Variants in ZNF69 observed in about 807,000 individuals in gnomAD.
The protein encoded by ZNF69 is zinc finger protein 69, also known as ZNF3.
In ZNF69, 47 loss-of-function variants were observed where a neutral mutation model predicts 50.9. That is an observed-to-expected ratio of 0.92 (90% CI 0.73 to 1.18). The LOEUF is 1.18. Among genes scored for constraint, ZNF69 ranks in the 50% most tolerant of loss-of-function variants. ZNF69 has a pLI of 0.00. For synonymous variants in ZNF69, 216 were observed against 223.1 expected (o/e 0.97, Z 0.29); for missense variants, 717 against 675.1 (o/e 1.06, Z -0.69).
rs1441597141 is a variant in ZNF69 at position 11,889,399 on chromosome 19, A to G, written c.63+1413A>G. 5.3e-5 allele frequency among the ~76,000 whole-genome samples: 8 copies of G among 152,274 alleles called. No individual in the cohort carries two copies. The South Asian group carries it at 1.5e-3, about 28-fold the overall frequency. ...CCATCCTGTCATACAGAGGCACTCA[A>G]TTTTCAGGGTTTTTTGGGGGTTCCC... On this transcript the variant is annotated intron_variant, in intron 1 of 3. Transcript: ENST00000429654.
In ZNF69 at chr19:11,905,639, A is replaced by G. The variant is rs1972355301; in HGVS notation, c.1242A>G (p.Lys414=). 6.2e-7 allele frequency: 1 copy of G among 1,613,836 alleles called. No homozygotes were observed. Among genetic ancestry groups the G allele is most frequent in the Admixed American group, 1.7e-5 (1 of 59,968 alleles). ...RYHERIHTGE[K]PYECKQCGKA... ...ATGAAAGGATTCACACTGGAGAGAA[A>G]CCCTATGAGTGTAAGCAATGTGGGA... Residue 414 remains lysine (K), a synonymous_variant, in exon 4 of 4, where the codon AAA becomes AAG. Coordinates refer to ENST00000429654, the MANE Select transcript of ZNF69 (RefSeq NM_001364730.1).
the ZNF69 span, among the ~76,000 whole-genome samples, chr19:11,956,072 T>C: frequency 6.6e-6 from 1 of 152,160 alleles, no homozygotes; most frequent in East Asian, 1.9e-4. Context: ...TTCACTTCTG[T>C]AGGGCAAAAT....
At chr19:11,979,831 C>A in the ZNF69 span, 2 of 1,556,090 alleles carry the variant, frequency 1.3e-6, no homozygotes, top group Non-Finnish European at 1.8e-6. Flanking sequence ...TCAGATCTGC[C>A]AAGAACCTTC....
Position 11,906,087 on chromosome 19 carries a change from T to C in ZNF69, c.1690T>C (p.Cys564Arg), listed in dbSNP as rs781104367. 1 of 1,610,928 alleles carries C rather than the reference T, an allele frequency of 6.2e-7. No individual in the cohort carries two copies. Among genetic ancestry groups the C allele is most frequent in the Non-Finnish European group, 8.5e-7 (1 of 1,179,066 alleles). The change falls in exon 4 of 4, where the codon TGT (cysteine) becomes CGT (arginine). Residue 564 changes from cysteine (C) to arginine (R), a missense_variant. Coordinates refer to ENST00000429654, the MANE Select transcript of ZNF69 (RefSeq NM_001364730.1). Reference sequence around the variant, plus strand: ...TCACCCTGAAGATAAACCCTATGAGTGTAAGCAATGAGGGAAAGCCTTCAG... The same window carrying C: ...TCACCCTGAAGATAAACCCTATGAGCGTAAGCAATGAGGGAAAGCCTTCAG... ...RTHPEDKPYECKQ is the reference protein window; with the variant it reads ...RTHPEDKPYERKQ
intron 1 of ZNF69, 63 bp from the exon 2 acceptor site, chr19:11,903,508 TAG>T: frequency 6.3e-7 from 1 of 1,596,332 alleles, no homozygotes; most frequent in Non-Finnish European, 8.5e-7. Context: ...TTCTTGAGAA[TAG>T]AGTCTAGGCC....
At chr19:11,977,651 C>T in the ZNF69 span, among the ~76,000 whole-genome samples, 1 of 152,160 alleles carries the variant, frequency 6.6e-6, no homozygotes, top group Non-Finnish European at 1.5e-5. Context: ...TTGAGGCCAG[C>T]AGTTCAAGAA....
chr19:11,975,192 G>A, the ZNF69 span, among the ~76,000 whole-genome samples: 1 of 151,446 alleles, frequency 6.6e-6, no homozygotes, highest in Non-Finnish European at 1.5e-5. Context: ...TCCGCCTCCC[G>A]GGTTCAAGCG....
At chr19:11,935,992 A>G in the ZNF69 span, among the ~76,000 whole-genome samples, 1 of 152,198 alleles carries the variant, frequency 6.6e-6, no homozygotes, top group African/African-American at 2.4e-5. Context: ...TCTGCTGAGT[A>G]TGATGATTTC....
chr19:11,888,456 G>A (rs1977001559), intron 1 of ZNF69, among the ~76,000 whole-genome samples: 1 of 152,192 alleles, frequency 6.6e-6, no homozygotes, highest in Admixed American at 6.5e-5. Context: ...CCTGGCTTGT[G>A]GTTTGTCAAC....
the ZNF69 span, among the ~76,000 whole-genome samples, chr19:11,942,419 C>G: frequency 4.6e-5 from 7 of 152,046 alleles, no homozygotes; most frequent in African/African-American, 1.7e-4. Context: ...TCCAAAGAGA[C>G]ATTAGGGACA....
At chr19:11,946,545 C>T in the ZNF69 span, among the ~76,000 whole-genome samples, 523 of 152,242 alleles carry the variant, frequency 3.4e-3, 3 homozygotes, top group African/African-American at 0.012. Flanking sequence ...CCAGCTGTAA[C>T]TAAGTGTCTG....
intron 1 of ZNF69, 35 bp from the exon 2 acceptor site, chr19:11,903,538 C>G: frequency 6.2e-7 from 1 of 1,612,188 alleles, no homozygotes; most frequent in East Asian, 2.2e-5. Context: ...CTGTCACTCT[C>G]ACCCATCCTC....
chr19:11,943,353 A>C, the ZNF69 span, among the ~76,000 whole-genome samples: 5 of 152,172 alleles, frequency 3.3e-5, 1 homozygote, highest in Non-Finnish European at 7.3e-5. Flanking sequence ...GGGCCAGTCT[A>C]TTTTGATAGA....
the ZNF69 span, among the ~76,000 whole-genome samples, chr19:11,955,950 A>G: frequency 1.3e-5 from 2 of 152,308 alleles, no homozygotes; most frequent in South Asian, 4.1e-4. Flanking sequence ...AATTCAGATA[A>G]TATGATTAAA....
chr19:11,957,092 T>TA, the ZNF69 span, among the ~76,000 whole-genome samples: 3 of 144,086 alleles, frequency 2.1e-5, no homozygotes, highest in South Asian at 6.8e-4. Context: ...AAGAAATAAG[T>TA]TTTTTTTTTT....
chr19:11,949,066 A>T, the ZNF69 span: 1 of 1,609,336 alleles, frequency 6.2e-7, no homozygotes, highest in Non-Finnish European at 8.5e-7. Flanking sequence ...CTATCTTATA[A>T]GTTTTCAAAC....
downstream of ZNF69, among the ~76,000 whole-genome samples, chr19:11,914,580 C>T (rs1168852808): frequency 2.6e-5 from 4 of 152,186 alleles, no homozygotes; most frequent in African/African-American, 9.7e-5. Context: ...TGATAATGTG[C>T]TGCTGAGGCT....
chr19:11,895,045 G>A lies in ZNF69; in HGVS notation c.63+7059G>A, dbSNP rs115147379. Among the ~76,000 whole-genome samples the A allele has an allele frequency of 7.2e-3, 1,090 of 152,288 alleles. 11 individuals are homozygous for A. Among genetic ancestry groups the A allele is most frequent in the African/African-American group, 0.02 (849 of 41,552 alleles). ...GGTGGAGAGATGTCTCATGTGATAG[G>A]GTGACCTGTGCTGACACATGAGTCA... On this transcript the variant is annotated intron_variant, in intron 1 of 3. Transcript: ENST00000429654.
chr19:11,920,660 G>T, the ZNF69 span, among the ~76,000 whole-genome samples: 3 of 151,882 alleles, frequency 2.0e-5, no homozygotes, highest in African/African-American at 7.3e-5. Context: ...GGCTGAGGGG[G>T]GTGCATCACC....
Sources: gnomAD v4.1 joint callset for allele counts (sites outside exome capture counted in the v4.1 genomes callset) on GRCh38, gnomAD v4.1.1 for gene constraint, MANE v1.5 for transcripts, NCBI Gene and HGNC (gene_info 2026-07-23, HGNC 2026-07-21) for gene names.